RGL3: variants seen among roughly 807,000 people sequenced by gnomAD.
The protein encoded by RGL3 is ral guanine nucleotide dissociation stimulator like 3.
Under a neutral mutation model 90.6 loss-of-function variants are expected in RGL3, and 85 were observed. The ratio of observed to expected loss-of-function variants is 0.94; its 90% CI spans 0.79 to 1.12. The LOEUF (loss-of-function observed/expected upper bound fraction) is 1.12. RGL3 is among the 50% of genes most tolerant of loss of function. The probability of loss-of-function intolerance (pLI) is 0.00; values close to 1 mark genes in which losing one functional copy is unlikely to be tolerated. For missense variants in RGL3, 1,034 were observed against 939.2 expected (o/e 1.10, Z -1.32); for synonymous variants, 408 against 385.5 (o/e 1.06, Z -0.68).
intron 5 of RGL3, among the ~76,000 whole-genome samples, chr19:11,412,370 T>C (rs1455044613): frequency 6.6e-6 from 1 of 152,162 alleles, no homozygotes; most frequent in Non-Finnish European, 1.5e-5. Context: ...GGATTTGTTT[T>C]AAAATCATCC....
At chr19:11,400,333 A>C in intron 13 of RGL3, 36 bp from the exon 14 acceptor site, 1 of 1,510,052 alleles carries the variant, frequency 6.6e-7, no homozygotes, top group Non-Finnish European at 8.9e-7. Context: ...TGGTGGGGGC[A>C]GGAAATACAG....
Position 11,396,230 on chromosome 19 carries a change from C to T in RGL3, c.2014+1014G>A, listed in dbSNP as rs796307523. ...GTCGCCAGGCTGGAGTGCAGTGGTG[C>T]GATCTCGGCTCACTGCAACCTCCGC... On this transcript the variant is annotated intron_variant, in intron 18 of 18. Coordinates refer to ENST00000380456, the MANE Select transcript of RGL3 (RefSeq NM_001035223.4). 1.9e-3 allele frequency among the ~76,000 whole-genome samples: 226 copies of T among 121,642 alleles called. 1 individual carries two copies. Among genetic ancestry groups the T allele is most frequent in the African/African-American group, 6.7e-3 (216 of 32,394 alleles). 79.8% of individuals were successfully genotyped at this position (121,642 alleles called of 152,430 possible).
chr19:11,412,170 C>T (rs904888575), intron 5 of RGL3, among the ~76,000 whole-genome samples: 6 of 151,118 alleles, frequency 4.0e-5, no homozygotes, highest in African/African-American at 1.5e-4. Context: ...ATCCCAGCTA[C>T]TCGGGAGGCT....
chr19:11,414,503 A>ATATATATATATATATATACC (rs1568342002), intron 5 of RGL3, among the ~76,000 whole-genome samples: 4 of 78,896 alleles, frequency 5.1e-5, no homozygotes, highest in African/African-American at 2.0e-4. Flanking sequence ...ATATATATAT[A>ATATATATATATATATATACC]TATATATATA....
At chr19:11,412,292 A>C (rs1251813809) in intron 5 of RGL3, among the ~76,000 whole-genome samples, 2 of 151,772 alleles carry the variant, frequency 1.3e-5, no homozygotes, top group Non-Finnish European at 2.9e-5. Context: ...AAAAAAAAAA[A>C]AAAAAAAGTA....
intron 5 of RGL3, among the ~76,000 whole-genome samples, chr19:11,413,997 C>A (rs1014596809): frequency 1.2e-4 from 18 of 149,142 alleles, no homozygotes; most frequent in Middle Eastern, 7.0e-3. Flanking sequence ...CCGCCCCCGT[C>A]GGCCTCCCAA....
In RGL3 at chr19:11,406,505, A is replaced by C. The variant is rs1484718569; in HGVS notation, c.910T>G (p.Cys304Gly). The change falls in exon 7 of 19, where the codon TGT becomes GGT. Residue 304 changes from cysteine (C) to glycine (G), a missense_variant. Transcript: ENST00000380456. ...GCTCCGAGCACGGAACCCAGCACAC[A>C]GCCGGTCACGGTGTTGAACTGGGCC... ...TVAQFNTVTGCVLGSVLGAPG... is the reference protein window; with the variant it reads ...TVAQFNTVTGGVLGSVLGAPG... The C allele has an allele frequency of 1.3e-6, 2 of 1,554,808 alleles. No individual in the cohort carries two copies. Among genetic ancestry groups the C allele is most frequent in the East Asian group, 4.7e-5 (2 of 42,106 alleles).
intron 2 of RGL3, chr19:11,418,361 C>T (rs1969040088): frequency 2.6e-6 from 1 of 379,284 alleles, no homozygotes; most frequent in Non-Finnish European, 4.8e-6. Flanking sequence ...CAACCCCATT[C>T]CACCTTCCAG....
Position 11,406,803 on chromosome 19 carries a change from C to T in RGL3, c.699G>A (p.Glu233=). ...GGGGACCTTGAGGCATGAGCCCTTCCTCTTCCTCCGCGCAGGCCTCTGAAG... is the reference window on the plus strand; with the variant it reads ...GGGGACCTTGAGGCATGAGCCCTTCTTCTTCCTCCGCGCAGGCCTCTGAAG... ...PDSSEACAEE[E]EGLMPQGPQL... The change falls in exon 6 of 19, where the codon GAG becomes GAA. Residue 233 remains glutamate (E), a synonymous_variant. Transcript: ENST00000380456. 1.2e-6 allele frequency: 2 copies of T among 1,613,822 alleles called. No homozygotes were observed. The highest frequency in any genetic ancestry group is 1.7e-6 in the Non-Finnish European group (2 of 1,179,894).
chr19:11,419,127 AG>A, intron 1 of RGL3, 118 bp downstream of exon 1: 3 of 1,026,456 alleles, frequency 2.9e-6, no homozygotes, highest in Non-Finnish European at 4.2e-6. Context: ...AGTCCCCAGG[AG>A]GGGACTCCAG....
At position 11,394,635 on chromosome 19, in the gene RGL3, T is replaced by C. The variant is rs1442449739; in HGVS notation, c.2015-115A>G. On this transcript the variant is annotated intron_variant, in intron 18 of 18. Transcript: ENST00000380456. Reference sequence around the variant, plus strand: ...GAACCTGAACAGCCATGGGTCCCTCTGCAGCTACTGCCAAGCCAAGCTCAT... The same window carrying C: ...GAACCTGAACAGCCATGGGTCCCTCCGCAGCTACTGCCAAGCCAAGCTCAT... The C allele has an allele frequency of 1.9e-5, 14 of 730,704 alleles. No individual in the cohort carries two copies. In the Admixed American group the frequency reaches 3.0e-4, roughly 16 times the overall value. 45.3% of individuals were successfully genotyped at this position (730,704 alleles called of 1,614,324 possible). A position where few individuals can be genotyped will look rare whatever the true frequency, so the allele number is the denominator to read the frequency against.
In RGL3 at chr19:11,416,925, G is replaced by A. The variant is rs749788033; in HGVS notation, c.282C>T (p.Pro94=). 1.5e-5 allele frequency: 24 copies of A among 1,613,946 alleles called. No individual in the cohort carries two copies. The highest frequency in any genetic ancestry group is 6.7e-5 in the Admixed American group (4 of 59,972). Residue 94 remains proline, a synonymous_variant, in exon 3 of 19, where the codon CCC becomes CCT. Coordinates refer to ENST00000380456, the MANE Select transcript of RGL3 (RefSeq NM_001035223.4). The stretch of plus-strand genomic sequence containing the variant: ...AGGTCCGGTAGGTGGCCAGGAAGGC[G>A]GGCATGAAGCTGGGGTCCTGCTCAC... The part of the protein sequence containing the change: ...GDREQDPSFM[P]AFLATYRTFV...
In RGL3 at chr19:11,402,444, A is replaced by G; in HGVS notation, c.1329+11T>C. On this transcript the variant is annotated intron_variant, in intron 11 of 18. Transcript: ENST00000380456. ...GAGCTGGGGTCAGGGGTCAAGGGTC[A>G]GGGGTCAGACCTCCAACATATCCGG... The G allele has an allele frequency of 6.3e-7, 1 of 1,597,012 alleles. No individual in the cohort carries two copies. Among genetic ancestry groups the G allele is most frequent in the South Asian group, 1.1e-5 (1 of 89,270 alleles).
In RGL3 at chr19:11,399,972, G is replaced by A. The variant is rs377576323; in HGVS notation, c.1650-21C>T. ...ACACACTGGGGGAGATGCAGAGGCT[G>A]AGGTGGGGTGGCTGTGCTGACTCCT... On this transcript the variant is annotated intron_variant, in intron 15 of 18. Transcript: ENST00000380456. 10 of 1,573,010 alleles carry A rather than the reference G, an allele frequency of 6.4e-6. No individual in the cohort carries two copies. The African/African-American group carries it at 1.2e-4, about 20-fold the overall frequency.
In RGL3 at chr19:11,419,227, G is replaced by C; in HGVS notation, c.33+19C>G. ...GGGTCACCAGGGATGCGGGGTCCGG[G>C]GATCCCTTGTCCCCTTACCAGGGCC... On this transcript the variant is annotated intron_variant, in intron 1 of 18. Coordinates refer to ENST00000380456, the MANE Select transcript of RGL3 (RefSeq NM_001035223.4). The C allele has an allele frequency of 6.3e-7, 1 of 1,587,652 alleles. No individual in the cohort carries two copies. The highest frequency in any genetic ancestry group is 1.4e-5 in the African/African-American group (1 of 72,486).
At position 11,400,048 on chromosome 19, in the gene RGL3, G is replaced by A. The variant is rs751378810; in HGVS notation, c.1641C>T (p.Pro547=). Residue 547 remains proline (P), a synonymous_variant, in exon 15 of 19, where the codon CCC becomes CCT. Coordinates refer to ENST00000380456, the MANE Select transcript of RGL3 (RefSeq NM_001035223.4). ...PSGSPGDPSS[P]TSSVSPGSPP... ...CCAAGCAGAATGCTCACCTGGAGGT[G>A]GGGGATGAGGGGTCCCCGGGACTCC... 1.2e-6 allele frequency: 2 copies of A among 1,606,730 alleles called. No individual in the cohort carries two copies. Among genetic ancestry groups the A allele is most frequent in the South Asian group, 1.1e-5 (1 of 90,228 alleles).
At chr19:11,402,431 G>C (rs1968695763) in intron 11 of RGL3, 24 bp downstream of exon 11, 1 of 1,591,870 alleles carries the variant, frequency 6.3e-7, no homozygotes, top group Non-Finnish European at 8.6e-7. Flanking sequence ...GCTGGGGTCA[G>C]GGGTCAAGGG....
At chr19:11,398,990 T>A (rs1006496456) in intron 16 of RGL3, among the ~76,000 whole-genome samples, 1 of 151,756 alleles carries the variant, frequency 6.6e-6, no homozygotes, top group African/African-American at 2.4e-5. Flanking sequence ...ATAAACAGGA[T>A]CTCGCTCTAT....
chr19:11,399,053 C>T (rs564309662), intron 16 of RGL3, among the ~76,000 whole-genome samples: 1 of 152,142 alleles, frequency 6.6e-6, no homozygotes. Flanking sequence ...GCCTCAAACT[C>T]AAGCGATCCT....
Sources: allele counts gnomAD v4.1 joint callset (sites outside exome capture counted in the v4.1 genomes callset), GRCh38; gene constraint gnomAD v4.1.1; transcripts MANE v1.5; gene names NCBI Gene and HGNC (gene_info 2026-07-23, HGNC 2026-07-21).